PITPNA: variants seen among roughly 807,000 people sequenced by gnomAD.
The protein encoded by PITPNA is phosphatidylinositol transfer protein alpha isoform.
A neutral mutation model predicts 50.3 loss-of-function variants in PITPNA; 13 were observed. The observed-to-expected ratio is 0.26, with a 90% CI of 0.17 to 0.41. PITPNA has a LOEUF of 0.41. Ranked by LOEUF, PITPNA falls within the 10% of genes least tolerant of loss-of-function variation. PITPNA has a pLI of 1.00. For synonymous variants in PITPNA, 120 were observed against 119.6 expected (o/e 1.00, Z -0.02); for missense variants, 207 against 333.4 (o/e 0.62, Z 2.95).
At position 1,562,548 on chromosome 17, in the gene PITPNA, TG is replaced by T; in HGVS notation, c.12del (p.Lys5ArgfsTer5). The T allele has an allele frequency of 7.1e-7, 1 of 1,405,030 alleles. No homozygotes were observed. The highest frequency in any genetic ancestry group is 9.3e-7 in the Non-Finnish European group (1 of 1,070,996). 87.0% of individuals were successfully genotyped at this position (1,405,030 alleles called of 1,614,324 possible). ...CGGCCGCCGGACACTCACTACTCCT[TG>T]AGCAGCACCATGTCGCTTCGCGGCT... MVL[L>X]KEYRVILPVS... On this transcript the variant is annotated frameshift_variant, in exon 1 of 12. Transcript: ENST00000313486. LOFTEE classifies it high-confidence loss of function. This position sits in a 1 kb window ranked among gnomAD's most constrained non-coding sequence, Gnocchi z 6.4.
intron 10 of PITPNA, among the ~76,000 whole-genome samples, chr17:1,532,854 ATC>A (rs2075592823): frequency 6.6e-6 from 1 of 152,196 alleles, no homozygotes; most frequent in African/African-American, 2.4e-5. Flanking sequence ...TAACCAAAAC[ATC>A]TGTCTTCAAG....
Position 1,537,725 on chromosome 17 carries a change from T to C in PITPNA, c.456+1144A>G, listed in dbSNP as rs140537118. ...GAAAAATCCACCAACGTTTTGAAGG[T>C]GGGGGTTGGGATATTGGGCAAGGAA... On this transcript the variant is annotated intron_variant, in intron 7 of 11. Coordinates refer to ENST00000313486, the MANE Select transcript of PITPNA (RefSeq NM_006224.4). Among the ~76,000 whole-genome samples the C allele has an allele frequency of 7.0e-3, 1,061 of 152,148 alleles. 11 individuals are homozygous for C. The highest frequency in any genetic ancestry group is 0.014 in the Middle Eastern group (4 of 294).
intron 2 of PITPNA, among the ~76,000 whole-genome samples, chr17:1,557,402 T>A (rs2075740678): frequency 6.6e-6 from 1 of 152,150 alleles, no homozygotes; most frequent in Non-Finnish European, 1.5e-5. Flanking sequence ...CACAGGAGCT[T>A]CATGCTGACA....
At position 1,549,824 on chromosome 17, in the gene PITPNA, G is replaced by A. The variant is rs1309623810; in HGVS notation, c.198-1437C>T. Among the ~76,000 whole-genome samples the A allele has an allele frequency of 3.4e-5, 5 of 145,204 alleles. 1 individual carries two copies. Among genetic ancestry groups the A allele is most frequent in the African/African-American group, 1.3e-4 (5 of 38,546 alleles). ...TAAGTAGCTGGGACTACAGGCATGCGCCACCACGCCCAGCTAATTTTTGTA... is the reference window on the plus strand; with the variant it reads ...TAAGTAGCTGGGACTACAGGCATGCACCACCACGCCCAGCTAATTTTTGTA... On this transcript the variant is annotated intron_variant, in intron 3 of 11. Transcript: ENST00000313486.
At chr17:1,539,715 G>A (rs1487656059) in intron 6 of PITPNA, among the ~76,000 whole-genome samples, 2 of 152,250 alleles carry the variant, frequency 1.3e-5, no homozygotes, top group African/African-American at 4.8e-5. Context: ...TGGGACTATA[G>A]GTGCACAACA....
At chr17:1,555,348 G>T (rs1201715538) in intron 2 of PITPNA, among the ~76,000 whole-genome samples, 1 of 152,140 alleles carries the variant, frequency 6.6e-6, no homozygotes, top group Non-Finnish European at 1.5e-5. Context: ...AATCTAAAGG[G>T]GTAAGCAAGA....
intron 10 of PITPNA, among the ~76,000 whole-genome samples, chr17:1,525,402 T>G (rs1030655714): frequency 6.6e-6 from 1 of 152,162 alleles, no homozygotes; most frequent in Non-Finnish European, 1.5e-5. Flanking sequence ...CCTGGAATTT[T>G]AAGCCATAGC....
chr17:1,530,895 G>C (rs948144515), intron 10 of PITPNA, among the ~76,000 whole-genome samples: 4 of 152,168 alleles, frequency 2.6e-5, no homozygotes, highest in African/African-American at 9.7e-5. Context: ...TTCTGCAAAG[G>C]CTCAGGAACT....
intron 6 of PITPNA, among the ~76,000 whole-genome samples, chr17:1,539,219 G>GAGTGATCCTCCTGCCTCAGGCTCCT (rs1374924632): frequency 6.6e-6 from 1 of 152,090 alleles, no homozygotes; most frequent in Non-Finnish European, 1.5e-5. Context: ...TCCTGGGCCG[G>GAGTGATCCTCCTGCCTCAGGCTCCT]AGTGATCCTC....
intron 2 of PITPNA, among the ~76,000 whole-genome samples, chr17:1,554,432 C>G (rs1470735424): frequency 2.4e-5 from 3 of 126,396 alleles, no homozygotes; most frequent in African/African-American, 8.9e-5. Flanking sequence ...AGAGATCGCA[C>G]AGTGGTGCGA....
At chr17:1,546,605 T>C (rs1395670307) in intron 4 of PITPNA, among the ~76,000 whole-genome samples, 2 of 151,978 alleles carry the variant, frequency 1.3e-5, no homozygotes, top group African/African-American at 2.4e-5. Flanking sequence ...AGCCCAACAC[T>C]GTCTGTACCC....
At chr17:1,530,773 A>G (rs2075576919) in intron 10 of PITPNA, among the ~76,000 whole-genome samples, 1 of 152,234 alleles carries the variant, frequency 6.6e-6, no homozygotes, top group Non-Finnish European at 1.5e-5. Context: ...AGAGCCAGTT[A>G]ACAACCTTTT....
In PITPNA at chr17:1,518,859, T is replaced by G. The variant is rs2075490942; in HGVS notation, c.*1702A>C. On this transcript the variant is annotated 3_prime_UTR_variant, in exon 12 of 12. Coordinates refer to ENST00000313486, the MANE Select transcript of PITPNA (RefSeq NM_006224.4). ...CAGTAGGAATGCCTCTTCTCCAACT[T>G]TCCAAGTCAGATAAATGCTACCAGC... The G allele has an allele frequency of 6.6e-6, 1 of 152,228 alleles. No homozygotes were observed. The highest frequency in any genetic ancestry group is 2.4e-5 in the African/African-American group (1 of 41,450). The allele number at this position is 152,228 out of a possible 1,614,324, so 9.4% of individuals were successfully genotyped here. A position where few individuals can be genotyped will look rare whatever the true frequency, so the allele number is the denominator to read the frequency against.
chr17:1,542,958 C>T (rs2075655096), intron 5 of PITPNA, 62 bp downstream of exon 5: 2 of 1,344,278 alleles, frequency 1.5e-6, no homozygotes, highest in South Asian at 2.4e-5. Flanking sequence ...AGTGCAGTTA[C>T]ATTTTTCTCT....
intron 6 of PITPNA, among the ~76,000 whole-genome samples, chr17:1,540,898 T>C (rs773996062): frequency 2.0e-5 from 3 of 152,082 alleles, no homozygotes; most frequent in Non-Finnish European, 4.4e-5. Flanking sequence ...CGGGCTCTTA[T>C]GTTGTTTTTT....
At chr17:1,542,281 T>C (rs1346980956) in intron 5 of PITPNA, among the ~76,000 whole-genome samples, 2 of 151,882 alleles carry the variant, frequency 1.3e-5, no homozygotes, top group African/African-American at 4.8e-5. Flanking sequence ...TCCATGCATT[T>C]AGCCACTCTG....
chr17:1,534,037 A>T, intron 10 of PITPNA, 62 bp downstream of exon 10: 1 of 1,598,710 alleles, frequency 6.3e-7, no homozygotes, highest in East Asian at 2.2e-5. Context: ...GCGCCCCAGC[A>T]AAACAGTCTC....
chr17:1,528,938 G>A (rs1470652921), intron 10 of PITPNA, among the ~76,000 whole-genome samples: 1 of 151,542 alleles, frequency 6.6e-6, no homozygotes, highest in African/African-American at 2.4e-5. Context: ...AGGAGTTCAA[G>A]ACCATCCTGG....
chr17:1,553,297 A>G (rs984189494), intron 2 of PITPNA, 148 bp from the exon 3 acceptor site: 3 of 778,704 alleles, frequency 3.9e-6, no homozygotes, highest in Non-Finnish European at 6.2e-6. Context: ...GCCTTGCCCA[A>G]ACCCACCCAA....
Sources: allele counts gnomAD v4.1 joint callset (sites outside exome capture counted in the v4.1 genomes callset), GRCh38; gene constraint gnomAD v4.1.1; non-coding constraint Gnocchi (gnomAD v3.1); transcripts MANE v1.5; gene names NCBI Gene and HGNC (gene_info 2026-07-23, HGNC 2026-07-21).